The following DAAM2 variants were observed in gnomAD, a reference collection of about 807,000 sequenced individuals.
DAAM2 encodes the protein dishevelled associated activator of morphogenesis 2, also known as disheveled-associated activator of morphogenesis 2.
A neutral mutation model predicts 120.7 loss-of-function variants in DAAM2; 39 were observed. The observed-to-expected ratio is 0.32, with a 90% confidence interval of 0.25 to 0.42. DAAM2 has a LOEUF of 0.42. DAAM2 is among the 10% of genes least tolerant of loss of function. The pLI is 1.00. For missense variants in DAAM2, 1,283 were observed against 1,401.7 expected (o/e 0.92, Z 1.35); for synonymous variants, 488 against 524.9 (o/e 0.93, Z 0.96).
intron 15 of DAAM2, chr6:39,886,811 C>T (rs1765402359): frequency 9.4e-6 from 2 of 213,758 alleles, no homozygotes; most frequent in Non-Finnish European, 1.8e-5. Flanking sequence ...GCAAGAGGGA[C>T]CTCCCAGAGG....
chr6:39,806,854 AAG>A (rs1489732169), intron 1 of DAAM2, among the ~76,000 whole-genome samples: 2,244 of 134,246 alleles, frequency 0.017, 72 homozygotes, highest in African/African-American at 0.049. Flanking sequence ...AAAAAAAAAA[AAG>A]AAAAGAAAAA....
intron 8 of DAAM2, among the ~76,000 whole-genome samples, chr6:39,870,740 T>G (rs973330026): frequency 5.9e-5 from 9 of 152,192 alleles, no homozygotes; most frequent in African/African-American, 2.2e-4. Context: ...TTCAAACTGG[T>G]TGATGGTGGG....
intron 3 of DAAM2, 166 bp downstream of exon 3, chr6:39,861,183 C>A: frequency 1.4e-6 from 1 of 700,846 alleles, no homozygotes. Flanking sequence ...ATTCTGCTGT[C>A]CTGGAGCTTA....
At chr6:39,815,477 C>T (rs1762279718) in intron 1 of DAAM2, among the ~76,000 whole-genome samples, 1 of 152,128 alleles carries the variant, frequency 6.6e-6, no homozygotes, top group Admixed American at 6.5e-5. Flanking sequence ...CCATGGTATT[C>T]CCCATAGGGC....
Position 39,904,416 on chromosome 6 carries a change from C to T in DAAM2, c.*2379C>T, listed in dbSNP as rs1477145679. 2.2e-6 allele frequency: 1 copy of T among 455,388 alleles called. No individual in the cohort carries two copies. The highest frequency in any genetic ancestry group is 1.6e-5 in the South Asian group (1 of 64,512). 28.2% of individuals were successfully genotyped at this position (455,388 alleles called of 1,614,324 possible). On this transcript the variant is annotated 3_prime_UTR_variant, in exon 25 of 25. Transcript: ENST00000274867. ...CTGGTGCCCAGTCGGGGTGGCTGAG[C>T]TGGTCCTTAATAGGTTGTTTCTTGG...
intron 14 of DAAM2, 142 bp downstream of exon 14, chr6:39,879,619 A>C: frequency 8.7e-7 from 1 of 1,153,664 alleles, no homozygotes. Context: ...TGGATGTACA[A>C]AGTGGGTTTG....
intron 1 of DAAM2, among the ~76,000 whole-genome samples, chr6:39,834,464 G>A (rs1415784046): frequency 6.6e-6 from 1 of 152,180 alleles, no homozygotes; most frequent in African/African-American, 2.4e-5. Context: ...TGTTCGCCGA[G>A]CCTGGTACAG....
At chr6:39,843,039 G>A (rs1763413160) in intron 1 of DAAM2, among the ~76,000 whole-genome samples, 1 of 152,092 alleles carries the variant, frequency 6.6e-6, no homozygotes, top group South Asian at 2.1e-4. Flanking sequence ...ATAATTGATA[G>A]GGTCAAGAAT....
At chr6:39,847,672 C>A (rs1187121568) in intron 1 of DAAM2, among the ~76,000 whole-genome samples, 1 of 152,082 alleles carries the variant, frequency 6.6e-6, no homozygotes, top group Non-Finnish European at 1.5e-5. Flanking sequence ...CTCCGTGGCA[C>A]CACCAGCATC....
chr6:39,893,231 T>C (rs1765844601), intron 19 of DAAM2, among the ~76,000 whole-genome samples: 1 of 152,154 alleles, frequency 6.6e-6, no homozygotes, highest in Non-Finnish European at 1.5e-5. Flanking sequence ...AATTAGTCAG[T>C]GGAGGCTGGG....
At chr6:39,881,104 G>A (rs115501067) in intron 14 of DAAM2, among the ~76,000 whole-genome samples, 3,163 of 152,316 alleles carry the variant, frequency 0.021, 52 homozygotes, top group Non-Finnish European at 0.03. Context: ...GACAGCTAAA[G>A]CAAGCAATAT....
chr6:39,817,283 T>G (rs1412881071), intron 1 of DAAM2, among the ~76,000 whole-genome samples: 1 of 152,214 alleles, frequency 6.6e-6, no homozygotes, highest in Admixed American at 6.5e-5. Context: ...CCTAATGTCT[T>G]AAATCTAAGA....
In DAAM2 at chr6:39,887,595, A is replaced by G. The variant is rs1765451835; in HGVS notation, c.2060+3A>G. 8 of 1,605,714 alleles carry G rather than the reference A, an allele frequency of 5.0e-6. No homozygotes were observed. Among genetic ancestry groups the G allele is most frequent in the Non-Finnish European group, 6.8e-6 (8 of 1,173,122 alleles). ...AACTGCATCATCCTTCTTTCCAAGT[A>G]TGTGCAAAAGAAGGTGGTTGAGTTG... On this transcript the variant is annotated splice_donor_region_variant and intron_variant, in intron 16 of 24. Transcript: ENST00000274867.
At chr6:39,813,393 G>A (rs1034888002) in intron 1 of DAAM2, among the ~76,000 whole-genome samples, 5 of 152,204 alleles carry the variant, frequency 3.3e-5, no homozygotes, top group African/African-American at 9.6e-5. Flanking sequence ...AAATGAATAG[G>A]AAATCTGCTC....
At chr6:39,837,663 C>CAAAAAAAAAAAAAAAAAAAA (rs758751293) in intron 1 of DAAM2, among the ~76,000 whole-genome samples, 17 of 41,186 alleles carry the variant, frequency 4.1e-4, no homozygotes, top group Admixed American at 6.4e-4. Flanking sequence ...AACTCCATCT[C>CAAAAAAAAAAAAAAAAAAAA]AAAAAAAAAA....
chr6:39,870,374 A>C lies in DAAM2; in HGVS notation c.908A>C (p.Glu303Ala). 2 of 1,584,958 alleles carry C rather than the reference A, an allele frequency of 1.3e-6. No individual in the cohort carries two copies. Among genetic ancestry groups the C allele is most frequent in the Non-Finnish European group, 1.7e-6 (2 of 1,164,250 alleles). The change falls in exon 8 of 25, where the codon GAA becomes GCA. Residue 303 changes from glutamate to alanine, a missense_variant. By Grantham distance (107) the Glu-to-Ala change is moderately radical (BLOSUM62 -1). Transcript: ENST00000274867. ...NLEFRLHLRY[E>A]FLMLGIQPVI... ...GAGTTCCGCCTACATCTACGGTATG[A>C]ATTCCTGATGCTGGGTATACAGCCT...
intron 11 of DAAM2, among the ~76,000 whole-genome samples, chr6:39,876,067 G>C (rs1205493631): frequency 6.6e-6 from 1 of 152,172 alleles, no homozygotes; most frequent in Non-Finnish European, 1.5e-5. Context: ...CACTGACATA[G>C]AGCCTGACCA....
In DAAM2 at chr6:39,836,875, G is replaced by A. The variant is rs181639965; in HGVS notation, c.-56-19372G>A. Among the ~76,000 whole-genome samples the A allele has an allele frequency of 2.7e-3, 412 of 152,332 alleles. 2 individuals carry two copies. The highest frequency in any genetic ancestry group is 0.01 in the Middle Eastern group (3 of 294). ...TTCCTGAGCACTTGTTTCCCTAGCTGTAAAATAGGAACAATTCCAGCTCTT... is the reference window on the plus strand; with the variant it reads ...TTCCTGAGCACTTGTTTCCCTAGCTATAAAATAGGAACAATTCCAGCTCTT... On this transcript the variant is annotated intron_variant, in intron 1 of 24. Transcript: ENST00000274867.
chr6:39,816,669 G>T (rs751454197), intron 1 of DAAM2, among the ~76,000 whole-genome samples: 2 of 152,086 alleles, frequency 1.3e-5, no homozygotes, highest in Non-Finnish European at 2.9e-5. Context: ...TAAGTTCAGG[G>T]GCCTGGATTT....
Sources: gnomAD v4.1 joint callset for allele counts (sites outside exome capture counted in the v4.1 genomes callset) on GRCh38, gnomAD v4.1.1 for gene constraint, MANE v1.5 for transcripts, NCBI Gene and HGNC (gene_info 2026-07-23, HGNC 2026-07-21) for gene names.